The following IGSF21 variants were observed in gnomAD, a reference collection of about 807,000 sequenced individuals.
IGSF21 encodes the protein immunoglobin superfamily member 21, also known as immunoglobulin superfamily member 21.
In IGSF21, 28 loss-of-function variants were observed where a neutral mutation model predicts 46.8. The ratio of observed to expected loss-of-function variants is 0.60; its 90% CI spans 0.44 to 0.82. The LOEUF (loss-of-function observed/expected upper bound fraction) is 0.82. IGSF21 is among the 40% of genes least tolerant of loss of function. The pLI, the probability that IGSF21 is intolerant of heterozygous loss-of-function variation, is 0.00. For synonymous variants in IGSF21, 284 were observed against 273.6 expected, an observed-to-expected ratio of 1.04 and a Z score of -0.38; for missense variants, 624 against 665.5, an observed-to-expected ratio of 0.94 and a Z score of 0.69.
chr1:18,376,822 T>G lies in IGSF21; in HGVS notation c.1124T>G (p.Met375Arg), dbSNP rs765558356. 1.9e-6 allele frequency: 3 copies of G among 1,599,306 alleles called. No homozygotes were observed. The highest frequency in any genetic ancestry group is 2.6e-6 in the Non-Finnish European group (3 of 1,168,806). The change falls in exon 8 of 10, where the codon ATG becomes AGG. Residue 375 changes from methionine (M) to arginine (R), a missense_variant. Coordinates refer to ENST00000251296, the MANE Select transcript of IGSF21 (RefSeq NM_032880.5). ...GFQNEVFPEP[M>R]FTWTRVGSRL... ...CAGAACGAAGTCTTCCCGGAGCCCA[T>G]GTTCACGTGGACGCGGGTTGGGAGC... is the stretch of plus-strand genomic sequence containing the variant.
At chr1:18,147,370 G>C (rs2086479926) in intron 1 of IGSF21, among the ~76,000 whole-genome samples, 1 of 152,022 alleles carries the variant, frequency 6.6e-6, no homozygotes. Flanking sequence ...TCCCAAGCGT[G>C]CTTGTCCAGC....
rs151211608 is a variant in IGSF21, at chr1:18,342,457, G to A, written c.424+7447G>A. 3.3e-5 allele frequency among the ~76,000 whole-genome samples: 5 copies of A among 152,288 alleles called. No individual in the cohort carries two copies. In the East Asian group the frequency reaches 9.6e-4, roughly 29 times the overall value. ...TTCCTATAACATGCAATCCGCTCAT[G>A]TAAAGTGTAAAAAACAGTGGTTTTA... On this transcript the variant is annotated intron_variant, in intron 4 of 9. Transcript: ENST00000251296.
At chr1:18,167,422 T>C (rs890640786) in intron 1 of IGSF21, among the ~76,000 whole-genome samples, 1 of 152,160 alleles carries the variant, frequency 6.6e-6, no homozygotes, top group African/African-American at 2.4e-5. Context: ...AACTAGGAAC[T>C]AGGTGGAGGA....
intron 1 of IGSF21, among the ~76,000 whole-genome samples, chr1:18,136,450 G>A (rs2124421405): frequency 6.6e-6 from 1 of 152,316 alleles, no homozygotes; most frequent in East Asian, 1.9e-4. Flanking sequence ...GTGTAAGGAA[G>A]GGATCCAGTT....
chr1:18,199,788 A>C (rs2087050012), intron 1 of IGSF21, among the ~76,000 whole-genome samples: 1 of 151,944 alleles, frequency 6.6e-6, no homozygotes, highest in African/African-American at 2.4e-5. Flanking sequence ...CTGGGAACAC[A>C]TGTTAACAAA....
rs75939987 is a variant in IGSF21 at position 18,161,549 on chromosome 1, G to A, written c.70+53351G>A. 4.6e-4 allele frequency among the ~76,000 whole-genome samples: 70 copies of A among 152,240 alleles called. No individual in the cohort carries two copies. The East Asian group carries it at 8.9e-3, about 19-fold the overall frequency. On this transcript the variant is annotated intron_variant, in intron 1 of 9. Coordinates refer to ENST00000251296, the MANE Select transcript of IGSF21 (RefSeq NM_032880.5). ...AGAGGCCGAAGCAGCTGCTCACATT[G>A]CAAGCGCCCATTCCAAGTATCCCAC...
chr1:18,366,668 G>A (rs1045700469), intron 6 of IGSF21, among the ~76,000 whole-genome samples: 7 of 152,128 alleles, frequency 4.6e-5, no homozygotes, highest in South Asian at 2.1e-4. Context: ...ATATCACTCC[G>A]GCTTACACTT....
At chr1:18,161,536 A>C (rs969647483) in intron 1 of IGSF21, among the ~76,000 whole-genome samples, 8 of 152,180 alleles carry the variant, frequency 5.3e-5, no homozygotes, top group African/African-American at 9.6e-5. Flanking sequence ...AGGCCGAAGC[A>C]GCTGCTCACA....
chr1:18,195,149 A>T (rs952727442), intron 1 of IGSF21, among the ~76,000 whole-genome samples: 4 of 152,200 alleles, frequency 2.6e-5, no homozygotes, highest in African/African-American at 9.6e-5. Flanking sequence ...GCCAAACCGT[A>T]TCACGCCCCC....
intron 1 of IGSF21, among the ~76,000 whole-genome samples, chr1:18,146,695 C>T (rs2086469832): frequency 6.6e-6 from 1 of 152,154 alleles, no homozygotes; most frequent in Non-Finnish European, 1.5e-5. Context: ...TGTGGAGCCA[C>T]CGAGGGTCCC....
At chr1:18,289,078 C>T (rs927754038) in intron 2 of IGSF21, among the ~76,000 whole-genome samples, 2 of 151,950 alleles carry the variant, frequency 1.3e-5, no homozygotes, top group Non-Finnish European at 2.9e-5. Context: ...GGTGTATTTT[C>T]CTCGTAATAA....
At chr1:18,116,557 TG>T (rs906526464) in intron 1 of IGSF21, among the ~76,000 whole-genome samples, 1 of 152,000 alleles carries the variant, frequency 6.6e-6, no homozygotes, top group African/African-American at 2.4e-5. Context: ...CTGAGGAGAG[TG>T]GGGTCACTGT....
intron 1 of IGSF21, among the ~76,000 whole-genome samples, chr1:18,193,333 G>C (rs2086975861): frequency 6.6e-6 from 1 of 152,196 alleles, no homozygotes; most frequent in Non-Finnish European, 1.5e-5. Context: ...TCTAGTCCAA[G>C]GGAGACGAGA....
At chr1:18,229,410 T>C (rs1395411814) in intron 2 of IGSF21, among the ~76,000 whole-genome samples, 1 of 152,338 alleles carries the variant, frequency 6.6e-6, no homozygotes, top group African/African-American at 2.4e-5. Flanking sequence ...TCCTTCTTGC[T>C]CTTGGTCCAG....
rs529850254 is a variant in IGSF21, at chr1:18,280,942, C to T, written c.184-10924C>T. 1.8e-4 allele frequency among the ~76,000 whole-genome samples: 28 copies of T among 152,302 alleles called. No individual in the cohort carries two copies. The East Asian group carries it at 3.7e-3, about 20-fold the overall frequency. On this transcript the variant is annotated intron_variant, in intron 2 of 9. Transcript: ENST00000251296. ...CTGGACCCTCCCTGGCAGAGCTCCC[C>T]GGCCTGCACGCCAGTGCCATTTCCA...
At chr1:18,287,389 T>G (rs189794702) in intron 2 of IGSF21, among the ~76,000 whole-genome samples, 8 of 151,916 alleles carry the variant, frequency 5.3e-5, no homozygotes, top group African/African-American at 1.9e-4. Flanking sequence ...AGCGAGACTC[T>G]GTCTCAAACA....
rs531159973 is a variant in IGSF21, at chr1:18,336,934, A to C, written c.424+1924A>C. The stretch of plus-strand genomic sequence containing the variant: ...CAGGGAAACTCCCCTTTATGAAATC[A>C]TCAGATCTTGTGAGACTTATTCACT... On this transcript the variant is annotated intron_variant, in intron 4 of 9. Coordinates refer to ENST00000251296, the MANE Select transcript of IGSF21 (RefSeq NM_032880.5). Among the ~76,000 whole-genome samples, 204 of 152,336 alleles carry C rather than the reference A, an allele frequency of 1.3e-3. 1 individual carries two copies. The Middle Eastern group carries it at 0.048, about 36-fold the overall frequency.
At chr1:18,363,284 A>G (rs753569156) in intron 5 of IGSF21, among the ~76,000 whole-genome samples, 2 of 152,206 alleles carry the variant, frequency 1.3e-5, no homozygotes, top group Admixed American at 1.3e-4. Flanking sequence ...ACAGTTCAAG[A>G]CGGGAGCCAA....
Position 18,376,354 on chromosome 1 carries a change from C to G in IGSF21, c.1060C>G (p.Arg354Gly). ...AATTGTGATGACGCCCAGCAGAGCC[C>G]GGGTAGGGGACACAGTGAGGATTCT... The part of the protein sequence containing the change: ...PKIVMTPSRA[R>G]VGDTVRILVH... Residue 354 changes from arginine (R) to glycine (G), a missense_variant, in exon 7 of 10, where the codon CGG (arginine) becomes GGG (glycine). Transcript: ENST00000251296. 6.2e-7 allele frequency: 1 copy of G among 1,613,994 alleles called. No individual in the cohort carries two copies. Among genetic ancestry groups the G allele is most frequent in the Non-Finnish European group, 8.5e-7 (1 of 1,179,940 alleles).
Sources: gnomAD v4.1 joint callset for allele counts (sites outside exome capture counted in the v4.1 genomes callset) on GRCh38, gnomAD v4.1.1 for gene constraint, MANE v1.5 for transcripts, NCBI Gene and HGNC (gene_info 2026-07-23, HGNC 2026-07-21) for gene names.